GFRA1: variants seen among roughly 807,000 people sequenced by gnomAD.
GFRA1 encodes the protein GDNF family receptor alpha 1.
A neutral mutation model predicts 51.6 loss-of-function variants in GFRA1; 16 were observed. The observed-to-expected ratio is 0.31, with a 90% confidence interval of 0.21 to 0.47. The LOEUF (loss-of-function observed/expected upper bound fraction) is 0.47, where lower values mean the gene tolerates loss of function less well. Ranked by LOEUF, GFRA1 falls within the 20% of genes least tolerant of loss-of-function variation. GFRA1 has a pLI of 1.00. For synonymous variants in GFRA1, 270 were observed against 241.3 expected, an observed-to-expected ratio of 1.12 and a Z score of -1.10; for missense variants, 530 against 594.3, an observed-to-expected ratio of 0.89 and a Z score of 1.13.
chr10:116,174,851 A>G (rs1179625011), intron 5 of GFRA1, among the ~76,000 whole-genome samples: 2 of 152,216 alleles, frequency 1.3e-5, no homozygotes, highest in Non-Finnish European at 2.9e-5. Context: ...CAACGTTGAA[A>G]GCAAAATATA....
At chr10:116,183,509 C>T (rs1379647639) in intron 5 of GFRA1, among the ~76,000 whole-genome samples, 1 of 152,136 alleles carries the variant, frequency 6.6e-6, no homozygotes, top group Non-Finnish European at 1.5e-5. Flanking sequence ...GAAATCATGG[C>T]CCCACTCCCA....
intron 5 of GFRA1, among the ~76,000 whole-genome samples, chr10:116,163,923 C>T (rs116180987): frequency 0.014 from 2,205 of 152,282 alleles, 46 homozygotes; most frequent in African/African-American, 0.05. Context: ...TGGGATGCCA[C>T]CAGATCTTGC....
rs183177093 is a variant in GFRA1 at position 116,170,640 on chromosome 10, T to C, written c.433+40991A>G. 2.6e-5 allele frequency among the ~76,000 whole-genome samples: 4 copies of C among 152,354 alleles called. No individual in the cohort carries two copies. In the East Asian group the frequency reaches 7.7e-4, roughly 29 times the overall value. On this transcript the variant is annotated intron_variant, in intron 5 of 10. Transcript: ENST00000355422. ...CACATTCATTAAGGCTTTGGGAATT[T>C]TGAATTAAAAACTCAGGGAAGCTCA...
chr10:116,233,905 ACT>A (rs900781825), intron 4 of GFRA1, among the ~76,000 whole-genome samples: 14 of 152,110 alleles, frequency 9.2e-5, no homozygotes, highest in Non-Finnish European at 2.1e-4. Context: ...TTTGGGAAAG[ACT>A]CTGTCATTTA....
At chr10:116,064,908 G>A (rs1391779354) in intron 10 of GFRA1, among the ~76,000 whole-genome samples, 2 of 152,188 alleles carry the variant, frequency 1.3e-5, no homozygotes, top group Non-Finnish European at 2.9e-5. Context: ...GACAGGCAGA[G>A]CAGCCTCTCC....
chr10:116,087,537 A>AC (rs1189811041), intron 9 of GFRA1, among the ~76,000 whole-genome samples: 1 of 152,216 alleles, frequency 6.6e-6, no homozygotes, highest in Non-Finnish European at 1.5e-5. Flanking sequence ...TGAACACTGA[A>AC]CGCTGCCTCT....
chr10:116,119,110 G>A (rs1225476538), intron 6 of GFRA1, among the ~76,000 whole-genome samples: 1 of 152,176 alleles, frequency 6.6e-6, no homozygotes, highest in Non-Finnish European at 1.5e-5. Context: ...TGGAGCTGAA[G>A]GGCCACACAT....
chr10:116,186,024 G>A (rs1018787616), intron 5 of GFRA1, among the ~76,000 whole-genome samples: 1 of 152,124 alleles, frequency 6.6e-6, no homozygotes, highest in African/African-American at 2.4e-5. Context: ...AGGTAGGGGG[G>A]TAGTAGGTGG....
rs149427935 is a variant in GFRA1 at position 116,060,814 on chromosome 10, TCTAA to T, written c.*3580_*3583del. 6.6e-6 allele frequency: 1 copy of T among 151,668 alleles called. No individual in the cohort carries two copies. Among genetic ancestry groups the T allele is most frequent in the Non-Finnish European group, 1.5e-5 (1 of 67,946 alleles). 9.4% of individuals were successfully genotyped at this position (151,668 alleles called of 1,614,324 possible). On this transcript the variant is annotated 3_prime_UTR_variant, in exon 11 of 11. Coordinates refer to ENST00000355422, the MANE Select transcript of GFRA1 (RefSeq NM_005264.8). The stretch of plus-strand genomic sequence containing the variant: ...TATTGATTCAAGTACATCGTGCATG[TCTAA>T]CTAACTGCATGAATGAAAACTTATT...
At chr10:116,132,916 G>A (rs1057484070) in intron 5 of GFRA1, among the ~76,000 whole-genome samples, 5 of 152,070 alleles carry the variant, frequency 3.3e-5, no homozygotes, top group East Asian at 1.9e-4. Context: ...GGGCACAAGC[G>A]CCTTCTCGCC....
At chr10:116,245,300 G>A (rs1417865520) in intron 4 of GFRA1, among the ~76,000 whole-genome samples, 1 of 152,128 alleles carries the variant, frequency 6.6e-6, no homozygotes, top group Admixed American at 6.5e-5. Context: ...ATACACAGAT[G>A]GCAAATAAGC....
intron 6 of GFRA1, among the ~76,000 whole-genome samples, chr10:116,109,092 T>G (rs1957102737): frequency 6.6e-6 from 1 of 152,162 alleles, no homozygotes; most frequent in African/African-American, 2.4e-5. Flanking sequence ...TTCAAACCTG[T>G]GTCATTTTTG....
intron 5 of GFRA1, among the ~76,000 whole-genome samples, chr10:116,196,628 AATATATAGTACTATATATAATAT>A (rs1200147903): frequency 0.08 from 1,746 of 21,778 alleles, 198 homozygotes; most frequent in African/African-American, 0.14. Flanking sequence ...TAATATATAT[AATATATAGTACTATATATAATAT>A]ATATATAGTA....
chr10:116,080,608 G>C (rs533737829), intron 9 of GFRA1, among the ~76,000 whole-genome samples: 2 of 152,148 alleles, frequency 1.3e-5, no homozygotes, highest in Non-Finnish European at 2.9e-5. Context: ...AATTTGACTG[G>C]CCTTTGTCCT....
intron 4 of GFRA1, among the ~76,000 whole-genome samples, chr10:116,232,909 C>T (rs1966770875): frequency 6.6e-6 from 1 of 152,126 alleles, no homozygotes; most frequent in Admixed American, 6.6e-5. Flanking sequence ...TAATGGGGGG[C>T]ACAGAGATCT....
chr10:116,083,062 A>G (rs1314698564), intron 9 of GFRA1, among the ~76,000 whole-genome samples: 1 of 152,248 alleles, frequency 6.6e-6, no homozygotes, highest in Non-Finnish European at 1.5e-5. Context: ...GATTCAGGGT[A>G]AAAACCAAGC....
rs544709205 is a variant in GFRA1, at chr10:116,212,702, A to G, written c.419-1057T>C. 3.3e-5 allele frequency among the ~76,000 whole-genome samples: 5 copies of G among 152,326 alleles called. No individual in the cohort carries two copies. In the East Asian group the frequency reaches 9.6e-4, roughly 29 times the overall value. Reference sequence around the variant, plus strand: ...TTCTTGGCTTCTTTTGGAGTCATCCATACTGTAGCACACGGTAGCTCATTC... The same window carrying G: ...TTCTTGGCTTCTTTTGGAGTCATCCGTACTGTAGCACACGGTAGCTCATTC... On this transcript the variant is annotated intron_variant, in intron 4 of 10. Transcript: ENST00000355422.
intron 5 of GFRA1, among the ~76,000 whole-genome samples, chr10:116,174,986 A>C (rs993797777): frequency 2.6e-5 from 4 of 152,092 alleles, no homozygotes; most frequent in Non-Finnish European, 5.9e-5. Context: ...GCGCTGTCCT[A>C]ATCAGTTTAA....
chr10:116,118,966 C>T (rs1391996982), intron 6 of GFRA1, among the ~76,000 whole-genome samples: 1 of 152,178 alleles, frequency 6.6e-6, no homozygotes, highest in East Asian at 1.9e-4. Context: ...TTCACACCCA[C>T]CTCTGCCAAC....
Sources: gnomAD v4.1 joint callset for allele counts (sites outside exome capture counted in the v4.1 genomes callset) on GRCh38, gnomAD v4.1.1 for gene constraint, MANE v1.5 for transcripts, NCBI Gene and HGNC (gene_info 2026-07-23, HGNC 2026-07-21) for gene names.